Variants in GMEB2 observed in about 807,000 individuals in gnomAD.
The protein encoded by GMEB2 is glucocorticoid modulatory element-binding protein 2.
GMEB2 carries 7 observed loss-of-function variants against 45.7 expected under a neutral mutation model. The ratio of observed to expected loss-of-function variants is 0.15; its 90% confidence interval spans 0.09 to 0.29. GMEB2 has a LOEUF of 0.29. Among genes scored for constraint, GMEB2 ranks in the 10% least tolerant of loss-of-function variants. The pLI, the probability that GMEB2 is intolerant of heterozygous loss-of-function variation, is 1.00. For synonymous variants in GMEB2, 322 were observed against 323.6 expected (o/e 1.00, Z 0.05); for missense variants, 582 against 739.2 (o/e 0.79, Z 2.47).
At chr20:63,606,941 G>A (rs2089524219) in intron 2 of GMEB2, among the ~76,000 whole-genome samples, 1 of 152,198 alleles carries the variant, frequency 6.6e-6, no homozygotes, top group Admixed American at 6.5e-5. Flanking sequence ...TTGGGATGGT[G>A]GTGCCGGCCC....
At chr20:63,625,319 G>A (rs1235385230) in intron 1 of GMEB2, among the ~76,000 whole-genome samples, 1 of 151,752 alleles carries the variant, frequency 6.6e-6, no homozygotes, top group Non-Finnish European at 1.5e-5. Context: ...GGGACTACAG[G>A]CACCCAACAC....
Position 63,593,116 on chromosome 20 carries a change from T to G in GMEB2, c.620-34A>C. ...GAAAGGGAACCTCGGGTGAGTGCTG[T>G]TTGGACCACAGTCCCACACCCCACA... On this transcript the variant is annotated intron_variant, in intron 6 of 9. Transcript: ENST00000370077. The surrounding 1 kb of genome is among the most constrained non-coding windows in gnomAD (Gnocchi z 4.7). 7.2e-7 allele frequency: 1 copy of G among 1,384,612 alleles called. No individual in the cohort carries two copies. The highest frequency in any genetic ancestry group is 1.0e-6 in the Non-Finnish European group (1 of 977,214). The allele number at this position is 1,384,612 out of a possible 1,614,324, so 85.8% of individuals were successfully genotyped here.
At chr20:63,614,969 G>A (rs977296940) in intron 2 of GMEB2, among the ~76,000 whole-genome samples, 1 of 152,166 alleles carries the variant, frequency 6.6e-6, no homozygotes, top group African/African-American at 2.4e-5. Context: ...CGTCTTGGTG[G>A]TAGTGGTCCC....
intron 2 of GMEB2, among the ~76,000 whole-genome samples, chr20:63,616,324 G>A (rs1385023304): frequency 1.3e-5 from 2 of 152,160 alleles, no homozygotes; most frequent in Non-Finnish European, 2.9e-5. Context: ...CACACCTATA[G>A]TGCCAGCTAC....
At position 63,592,067 on chromosome 20, in the gene GMEB2, A is replaced by C; in HGVS notation, c.907T>G (p.Cys303Gly). Reference protein sequence around the residue: ...LVKKVLASHKCQMDRSREQYA... With the variant: ...LVKKVLASHKGQMDRSREQYA... ...TGCTCCCGCGAGCGGTCCATCTGGC[A>C]CTTGTGGCTGGCCAGCACCTTCTTC... is the stretch of plus-strand genomic sequence containing the variant. Residue 303 changes from cysteine to glycine, a missense_variant, in exon 9 of 10, where the codon TGC (cysteine) becomes GGC (glycine). Coordinates refer to ENST00000370077, the MANE Select transcript of GMEB2 (RefSeq NM_012384.5). The surrounding 1 kb of genome is among the most constrained non-coding windows in gnomAD (Gnocchi z 8.2). The C allele has an allele frequency of 6.2e-7, 1 of 1,613,568 alleles. No homozygotes were observed. Among genetic ancestry groups the C allele is most frequent in the Non-Finnish European group, 8.5e-7 (1 of 1,179,900 alleles).
rs1236270596 is a variant in GMEB2 at position 63,593,750 on chromosome 20, G to C, written c.620-668C>G. ...AAAAAACAAACCCGGGGCCGGATGT[G>C]GTGGCTCACGCCTGTAATCCAGGCA... On this transcript the variant is annotated intron_variant, in intron 6 of 9. Transcript: ENST00000370077. This position sits in a 1 kb window ranked among gnomAD's most constrained non-coding sequence, Gnocchi z 4.7. Among the ~76,000 whole-genome samples, 1 of 152,224 alleles carries C rather than the reference G, an allele frequency of 6.6e-6. No individual in the cohort carries two copies. Among genetic ancestry groups the C allele is most frequent in the Non-Finnish European group, 1.5e-5 (1 of 68,044 alleles).
intron 2 of GMEB2, among the ~76,000 whole-genome samples, chr20:63,612,285 C>T (rs2089576917): frequency 6.6e-6 from 1 of 152,224 alleles, no homozygotes; most frequent in African/African-American, 2.4e-5. Flanking sequence ...GCCACCCTGC[C>T]CCATCTTGGA....
chr20:63,619,256 C>T lies in GMEB2; in HGVS notation c.131+11G>A. Reference sequence around the variant, plus strand: ...CCCATCAGCCCCAATGGCACCGAGGCCCGAGCTTACCCGTGAGGGGCCAAG... The same window carrying T: ...CCCATCAGCCCCAATGGCACCGAGGTCCGAGCTTACCCGTGAGGGGCCAAG... On this transcript the variant is annotated intron_variant, in intron 2 of 9. Transcript: ENST00000370077. The surrounding 1 kb of genome is among the most constrained non-coding windows in gnomAD (Gnocchi z 4.6). The T allele has an allele frequency of 1.2e-6, 2 of 1,605,314 alleles. No individual in the cohort carries two copies. The highest frequency in any genetic ancestry group is 8.5e-7 in the Non-Finnish European group (1 of 1,177,218).
chr20:63,606,859 C>G (rs1211209474), intron 2 of GMEB2, among the ~76,000 whole-genome samples: 1 of 152,174 alleles, frequency 6.6e-6, no homozygotes, highest in African/African-American at 2.4e-5. Context: ...AAACAGAAAC[C>G]AGTACATGAG....
At chr20:63,591,971 A>T (rs1469177669) in intron 9 of GMEB2, 51 bp downstream of exon 9, 2 of 1,538,934 alleles carry the variant, frequency 1.3e-6, no homozygotes. Flanking sequence ...CGTGGGCTCC[A>T]GGTCCTCAGC....
chr20:63,606,161 G>A (rs1197868761), intron 2 of GMEB2, among the ~76,000 whole-genome samples: 3 of 152,008 alleles, frequency 2.0e-5, no homozygotes, highest in Non-Finnish European at 2.9e-5. Context: ...AAACTAAATT[G>A]TAGACAAAAG....
chr20:63,609,511 C>G (rs145414053), intron 2 of GMEB2, among the ~76,000 whole-genome samples: 1,703 of 35,238 alleles, frequency 0.048, 1 homozygote, highest in Non-Finnish European at 0.087. Context: ...AAACATGCCC[C>G]TCTGACCCCA....
In GMEB2 at chr20:63,599,440, C is replaced by T. The variant is rs542539627; in HGVS notation, c.358-1580G>A. 1.2e-3 allele frequency among the ~76,000 whole-genome samples: 182 copies of T among 152,344 alleles called. 1 individual carries two copies. The highest frequency in any genetic ancestry group is 4.2e-3 in the African/African-American group (174 of 41,582). On this transcript the variant is annotated intron_variant, in intron 4 of 9. Transcript: ENST00000370077. ...ATGCATATTTAGAACATCCTTCCATCATGATCTGCTGGTGGCAAACTCGTG... is the reference window on the plus strand; with the variant it reads ...ATGCATATTTAGAACATCCTTCCATTATGATCTGCTGGTGGCAAACTCGTG...
intron 2 of GMEB2, among the ~76,000 whole-genome samples, chr20:63,610,317 C>A (rs1031491727): frequency 6.6e-6 from 1 of 152,124 alleles, no homozygotes; most frequent in African/African-American, 2.4e-5. Flanking sequence ...GTCAGGAGAT[C>A]GAGACCATCC....
intron 3 of GMEB2, 151 bp from the exon 4 acceptor site, chr20:63,603,243 G>T: frequency 9.5e-6 from 7 of 736,078 alleles, no homozygotes; most frequent in Non-Finnish European, 1.4e-5. Flanking sequence ...AAGGTGGGCA[G>T]GGCATGCCCA....
At chr20:63,602,857 A>G in intron 4 of GMEB2, 108 bp downstream of exon 4, 2 of 968,672 alleles carry the variant, frequency 2.1e-6, no homozygotes, top group Non-Finnish European at 3.2e-6. Context: ...CACTCTCCCC[A>G]GCCCTGGAGA....
At chr20:63,620,398 T>C (rs2146093958) in intron 1 of GMEB2, among the ~76,000 whole-genome samples, 1 of 152,026 alleles carries the variant, frequency 6.6e-6, no homozygotes, top group East Asian at 1.9e-4. Context: ...ATCCCCTACC[T>C]AGCACAGGGA....
chr20:63,599,223 G>A (rs3787107), intron 4 of GMEB2, among the ~76,000 whole-genome samples: 25,915 of 149,424 alleles, frequency 0.17, 3,055 homozygotes, highest in East Asian at 0.5. Context: ...CTGACCCCCC[G>A]GAGCTAACTC....
intron 1 of GMEB2, among the ~76,000 whole-genome samples, chr20:63,622,961 G>A (rs1569060538): frequency 6.6e-6 from 1 of 152,184 alleles, no homozygotes; most frequent in Non-Finnish European, 1.5e-5. Flanking sequence ...GGGGAGGGCT[G>A]TGGTAGGTTT....
Sources: gnomAD v4.1 joint callset for allele counts (sites outside exome capture counted in the v4.1 genomes callset) on GRCh38, gnomAD v4.1.1 for gene constraint, Gnocchi (gnomAD v3.1) non-coding constraint, MANE v1.5 for transcripts, NCBI Gene and HGNC (gene_info 2026-07-23, HGNC 2026-07-21) for gene names.